ATG10: variants seen among roughly 807,000 people sequenced by gnomAD.
The protein encoded by ATG10 is autophagy related 10.
In ATG10, 30 loss-of-function variants were observed where a neutral mutation model predicts 32.1. The observed-to-expected ratio is 0.94, with a 90% CI of 0.70 to 1.27. The LOEUF (loss-of-function observed/expected upper bound fraction) is 1.27. ATG10 is among the 50% of genes most tolerant of loss of function. ATG10 has a pLI of 0.00. For synonymous variants in ATG10, 87 were observed against 91.5 expected, an observed-to-expected ratio of 0.95 and a Z score of 0.28; for missense variants, 233 against 262.3, an observed-to-expected ratio of 0.89 and a Z score of 0.77.
At chr5:82,162,905 TA>T (rs1323665917) in intron 3 of ATG10, among the ~76,000 whole-genome samples, 4 of 151,630 alleles carry the variant, frequency 2.6e-5, no homozygotes, top group African/African-American at 9.7e-5. Context: ...TCAAAAAGTC[TA>T]AAAAAAATAC....
chr5:82,128,116 TG>T (rs1351472496), intron 3 of ATG10, among the ~76,000 whole-genome samples: 11 of 152,204 alleles, frequency 7.2e-5, no homozygotes, highest in African/African-American at 2.6e-4. Flanking sequence ...CCTGATTTTT[TG>T]TTTTTTTGCC....
At chr5:82,163,795 C>T (rs1212413806) in intron 3 of ATG10, among the ~76,000 whole-genome samples, 2 of 152,158 alleles carry the variant, frequency 1.3e-5, no homozygotes, top group African/African-American at 4.8e-5. Flanking sequence ...TTAATATTTG[C>T]CATCTACTCT....
intron 2 of ATG10, among the ~76,000 whole-genome samples, chr5:82,045,592 A>G (rs1006602562): frequency 6.6e-6 from 1 of 152,150 alleles, no homozygotes; most frequent in East Asian, 1.9e-4. Flanking sequence ...ATGCCAAGCT[A>G]TGGGAAGCAG....
intron 2 of ATG10, among the ~76,000 whole-genome samples, chr5:82,023,811 T>C (rs1040521324): frequency 1.6e-4 from 25 of 152,346 alleles, no homozygotes; most frequent in Admixed American, 1.3e-3. Flanking sequence ...AATTTTCCAG[T>C]AATGGAAAAC....
intron 2 of ATG10, chr5:82,009,980 A>T: frequency 6.2e-7 from 1 of 1,611,586 alleles, no homozygotes; most frequent in Non-Finnish European, 8.5e-7. Flanking sequence ...CAGTGCTCAG[A>T]GCATGAAAAT....
At chr5:82,065,252 G>A (rs1463185175) in intron 3 of ATG10, among the ~76,000 whole-genome samples, 1 of 152,094 alleles carries the variant, frequency 6.6e-6, no homozygotes, top group Non-Finnish European at 1.5e-5. Flanking sequence ...TTGGGAGGCC[G>A]AGTCGGGGCG....
At chr5:81,997,684 A>G (rs2149680106) in intron 2 of ATG10, among the ~76,000 whole-genome samples, 1 of 152,316 alleles carries the variant, frequency 6.6e-6, no homozygotes, top group African/African-American at 2.4e-5. Flanking sequence ...CATTTTTAAG[A>G]AAGAACCAAA....
intron 3 of ATG10, among the ~76,000 whole-genome samples, chr5:82,118,520 C>G (rs1336086764): frequency 6.6e-6 from 1 of 151,100 alleles, no homozygotes; most frequent in African/African-American, 2.4e-5. Context: ...GTATTAATGA[C>G]CAGGCACTGT....
At chr5:82,053,438 A>G (rs1242133689) in intron 2 of ATG10, among the ~76,000 whole-genome samples, 6 of 140,936 alleles carry the variant, frequency 4.3e-5, no homozygotes, top group African/African-American at 1.3e-4. Context: ...TCACATTTTG[A>G]TATGTCTTTT....
At chr5:82,222,986 TTGG>T (rs1745987324) in intron 5 of ATG10, among the ~76,000 whole-genome samples, 1 of 152,178 alleles carries the variant, frequency 6.6e-6, no homozygotes, top group Non-Finnish European at 1.5e-5. Flanking sequence ...GTTAAGCAAG[TTGG>T]TAGGTTGGAA....
intron 3 of ATG10, among the ~76,000 whole-genome samples, chr5:82,069,262 T>A (rs1764046958): frequency 6.6e-6 from 1 of 152,112 alleles, no homozygotes; most frequent in Admixed American, 6.6e-5. Flanking sequence ...GATTGTTGAA[T>A]TTTTTTGGTA....
chr5:82,142,382 A>G (rs1428068595), intron 3 of ATG10, among the ~76,000 whole-genome samples: 1 of 152,226 alleles, frequency 6.6e-6, no homozygotes, highest in Non-Finnish European at 1.5e-5. Flanking sequence ...TTGAACAAGA[A>G]GGATGAGTAG....
At chr5:81,975,498 T>C (rs995000039) in intron 1 of ATG10, among the ~76,000 whole-genome samples, 2 of 152,106 alleles carry the variant, frequency 1.3e-5, no homozygotes, top group African/African-American at 2.4e-5. Flanking sequence ...CTTGGCAACA[T>C]TGCAAAACCC....
intron 3 of ATG10, among the ~76,000 whole-genome samples, chr5:82,080,518 T>C (rs9686494): frequency 0.99 from 150,073 of 152,310 alleles, 73,967 homozygotes; most frequent in Middle Eastern, 1. Context: ...AGTCTTTAAT[T>C]CATCTTGAAT....
chr5:82,053,103 A>C (rs749570358), intron 2 of ATG10, among the ~76,000 whole-genome samples: 5 of 152,220 alleles, frequency 3.3e-5, no homozygotes, highest in Non-Finnish European at 5.9e-5. Flanking sequence ...CTGCCCCAGC[A>C]ATGTATGAGA....
intron 2 of ATG10, among the ~76,000 whole-genome samples, chr5:82,031,292 CAGAAGGAAAATTTATTAT>C (rs1242984143): frequency 7.2e-5 from 11 of 151,880 alleles, no homozygotes; most frequent in Admixed American, 7.2e-4. Context: ...CAGTGTTGAT[CAGAAGGAAAATTTATTAT>C]ATTGGGAGCA....
intron 2 of ATG10, among the ~76,000 whole-genome samples, chr5:82,029,798 C>G (rs1762694791): frequency 6.6e-6 from 1 of 152,168 alleles, no homozygotes; most frequent in African/African-American, 2.4e-5. Context: ...ACTCTTGGAA[C>G]CTATTTTTTG....
intron 2 of ATG10, among the ~76,000 whole-genome samples, chr5:82,033,685 AC>A (rs1762807309): frequency 2.0e-5 from 3 of 151,252 alleles, no homozygotes; most frequent in Admixed American, 2.0e-4. Context: ...AATTAGACTC[AC>A]CTTGTAGATC....
chr5:82,011,928 A>G (rs1046123032), intron 2 of ATG10, among the ~76,000 whole-genome samples: 2 of 152,094 alleles, frequency 1.3e-5, no homozygotes, highest in Admixed American at 6.5e-5. Flanking sequence ...CCCTATTACT[A>G]TTCCTATTAT....
Sources: gnomAD v4.1 joint callset for allele counts (sites outside exome capture counted in the v4.1 genomes callset) on GRCh38, gnomAD v4.1.1 for gene constraint, MANE v1.5 for transcripts, NCBI Gene and HGNC (gene_info 2026-07-23, HGNC 2026-07-21) for gene names.